The following UPF2 variants were observed in gnomAD, a reference collection of about 807,000 sequenced individuals.
The protein encoded by UPF2 is regulator of nonsense transcripts 2.
Under a neutral mutation model 141.4 loss-of-function variants are expected in UPF2, and 17 were observed. The ratio of observed to expected loss-of-function variants is 0.12; its 90% confidence interval spans 0.08 to 0.18. The LOEUF (loss-of-function observed/expected upper bound fraction) is 0.18. UPF2 is among the 10% of genes least tolerant of loss of function. The probability of loss-of-function intolerance (pLI) is 1.00; values close to 1 mark genes in which losing one functional copy is unlikely to be tolerated. For synonymous variants in UPF2, 540 were observed against 498.0 expected, an observed-to-expected ratio of 1.08 and a Z score of -1.12; for missense variants, 1,152 against 1,515.9, an observed-to-expected ratio of 0.76 and a Z score of 3.99.
Position 11,931,531 on chromosome 10 carries a change from T to A in UPF2, c.3688+110A>T. 8.6e-7 allele frequency: 1 copy of A among 1,163,922 alleles called. No individual in the cohort carries two copies. Among genetic ancestry groups the A allele is most frequent in the Non-Finnish European group, 1.2e-6 (1 of 862,498 alleles). 72.1% of individuals were successfully genotyped at this position (1,163,922 alleles called of 1,614,324 possible). On this transcript the variant is annotated intron_variant, in intron 20 of 21. Transcript: ENST00000357604. The surrounding 1 kb of genome is among the most constrained non-coding windows in gnomAD (Gnocchi z 5.9). ...AAAAACAGTGGGATACAAAATGAAT[T>A]TCTCAGCATAAATATGGAAAAATAT...
chr10:11,954,643 A>ATAT (rs1554775870), intron 14 of UPF2, among the ~76,000 whole-genome samples: 2 of 128,344 alleles, frequency 1.6e-5, no homozygotes, highest in East Asian at 4.3e-4. Flanking sequence ...CAAAAAAAAA[A>ATAT]ATATATATAT....
intron 4 of UPF2, among the ~76,000 whole-genome samples, chr10:12,012,930 G>A (rs927780761): frequency 1.3e-5 from 2 of 151,966 alleles, no homozygotes; most frequent in Non-Finnish European, 2.9e-5. Context: ...CTTGAGCTAA[G>A]GAGTTTGAGA....
chr10:12,015,976 T>C (rs1270237251), intron 3 of UPF2, among the ~76,000 whole-genome samples: 1 of 152,176 alleles, frequency 6.6e-6, no homozygotes. Flanking sequence ...TCTAAAAATA[T>C]TGTCATTAGA....
intron 4 of UPF2, among the ~76,000 whole-genome samples, chr10:12,009,498 A>G (rs1184620822): frequency 2.0e-5 from 3 of 152,244 alleles, no homozygotes; most frequent in Non-Finnish European, 4.4e-5. Flanking sequence ...GTGAAGTACT[A>G]TATCAGTGAC....
chr10:11,927,521 T>C (rs1295855032), intron 21 of UPF2, among the ~76,000 whole-genome samples: 2 of 152,240 alleles, frequency 1.3e-5, no homozygotes, highest in Non-Finnish European at 2.9e-5. Flanking sequence ...TATTTAAAGC[T>C]ACTCTAAGAA....
intron 6 of UPF2, among the ~76,000 whole-genome samples, chr10:12,000,891 C>T (rs945820126): frequency 3.2e-4 from 48 of 152,262 alleles, no homozygotes; most frequent in African/African-American, 1.2e-3. Flanking sequence ...ATTTGTATTA[C>T]TGAATACAAA....
chr10:11,961,127 TG>T (rs1311747607), intron 11 of UPF2, among the ~76,000 whole-genome samples: 4 of 151,010 alleles, frequency 2.6e-5, no homozygotes, highest in Middle Eastern at 3.2e-3. Flanking sequence ...TACTTATTAG[TG>T]TTATGCACTA....
At chr10:11,924,107 A>T (rs1267266484) in intron 21 of UPF2, among the ~76,000 whole-genome samples, 1 of 152,250 alleles carries the variant, frequency 6.6e-6, no homozygotes, top group African/African-American at 2.4e-5. Flanking sequence ...CAATACAGAA[A>T]ACCCTACATA....
At position 12,019,674 on chromosome 10, in the gene UPF2, T is replaced by C. The variant is rs111360896; in HGVS notation, c.1146-5490A>G. Among the ~76,000 whole-genome samples the C allele has an allele frequency of 1.7e-3, 259 of 152,342 alleles. 1 individual carries two copies. The highest frequency in any genetic ancestry group is 5.7e-3 in the African/African-American group (236 of 41,586). On this transcript the variant is annotated intron_variant, in intron 3 of 21. Transcript: ENST00000357604. This position sits in a 1 kb window ranked among gnomAD's most constrained non-coding sequence, Gnocchi z 4.5. Reference sequence around the variant, plus strand: ...TTCGGCAACATACGTGAGACATCACTGTCCAGAAGAATCTCTAAAGTACGT... The same window carrying C: ...TTCGGCAACATACGTGAGACATCACCGTCCAGAAGAATCTCTAAAGTACGT...
rs118159875 is a variant in UPF2 at position 11,951,753 on chromosome 10, T to C, written c.3034+313A>G. Among the ~76,000 whole-genome samples the C allele has an allele frequency of 1.3e-4, 20 of 152,288 alleles. No individual in the cohort carries two copies. The East Asian group carries it at 3.7e-3, about 28-fold the overall frequency. On this transcript the variant is annotated intron_variant, in intron 15 of 21. Coordinates refer to ENST00000357604, the MANE Select transcript of UPF2 (RefSeq NM_015542.4). Reference sequence around the variant, plus strand: ...AAATAAGAAATGCTTTAATAAAAAATAGATTTTATATTAGCAACCAAAAAT... The same window carrying C: ...AAATAAGAAATGCTTTAATAAAAAACAGATTTTATATTAGCAACCAAAAAT...
At chr10:12,023,499 C>T (rs1312323491) in intron 3 of UPF2, among the ~76,000 whole-genome samples, 7 of 146,414 alleles carry the variant, frequency 4.8e-5, no homozygotes, top group Admixed American at 6.9e-5. Context: ...ATGGTGAAAC[C>T]CTGTCTCTAC....
intron 1 of UPF2, 126 bp from the exon 2 acceptor site, chr10:12,035,567 A>C: frequency 1.2e-5 from 12 of 994,546 alleles, no homozygotes; most frequent in Non-Finnish European, 1.5e-5. Flanking sequence ...AAAGGCAGGT[A>C]AAATGAATAC....
At chr10:11,997,179 T>C (rs17151164) in intron 8 of UPF2, among the ~76,000 whole-genome samples, 25,541 of 152,142 alleles carry the variant, frequency 0.17, 2,441 homozygotes, top group South Asian at 0.27. Context: ...ACTAGCAACA[T>C]AATCATTAAT....
intron 8 of UPF2, among the ~76,000 whole-genome samples, chr10:11,987,096 T>A (rs1345996014): frequency 6.6e-6 from 1 of 152,216 alleles, no homozygotes; most frequent in Non-Finnish European, 1.5e-5. Context: ...AACTTAAATA[T>A]TGGCTTAGGT....
chr10:12,032,800 A>G (rs1196525877), intron 2 of UPF2, among the ~76,000 whole-genome samples: 1 of 151,566 alleles, frequency 6.6e-6, no homozygotes, highest in East Asian at 1.9e-4. Context: ...ACTAGGCACT[A>G]CTATAGCTTT....
intron 8 of UPF2, among the ~76,000 whole-genome samples, chr10:11,988,371 T>C (rs1434745120): frequency 6.6e-6 from 1 of 152,236 alleles, no homozygotes; most frequent in Non-Finnish European, 1.5e-5. Flanking sequence ...TGGAGTGCAG[T>C]GGTGAGACCA....
At chr10:11,950,190 T>C (rs1405796674) in intron 15 of UPF2, among the ~76,000 whole-genome samples, 1 of 152,216 alleles carries the variant, frequency 6.6e-6, no homozygotes, top group Non-Finnish European at 1.5e-5. Flanking sequence ...TTTAATACTA[T>C]TAAAAGTTAT....
chr10:12,000,981 G>A (rs999999468), intron 6 of UPF2, among the ~76,000 whole-genome samples: 2 of 152,086 alleles, frequency 1.3e-5, no homozygotes, highest in Non-Finnish European at 2.9e-5. Flanking sequence ...AATCATTTCA[G>A]AATAACTTTC....
At chr10:12,000,888 T>C (rs552129453) in intron 6 of UPF2, among the ~76,000 whole-genome samples, 2 of 152,338 alleles carry the variant, frequency 1.3e-5, no homozygotes, top group African/African-American at 4.8e-5. Context: ...AATATTTGTA[T>C]TACTGAATAC....
Sources: allele counts gnomAD v4.1 joint callset (sites outside exome capture counted in the v4.1 genomes callset), GRCh38; gene constraint gnomAD v4.1.1; non-coding constraint Gnocchi (gnomAD v3.1); transcripts MANE v1.5; gene names NCBI Gene and HGNC (gene_info 2026-07-23, HGNC 2026-07-21).